The following ADGRL3 variants were observed in gnomAD, a reference collection of about 807,000 sequenced individuals.
The protein encoded by ADGRL3 is adhesion G protein-coupled receptor L3.
Under a neutral mutation model 153.5 loss-of-function variants are expected in ADGRL3, and 62 were observed. The ratio of observed to expected loss-of-function variants is 0.40; its 90% confidence interval spans 0.33 to 0.50. The LOEUF (loss-of-function observed/expected upper bound fraction) is 0.50. Among genes scored for constraint, ADGRL3 ranks in the 20% least tolerant of loss-of-function variants. The pLI is 0.47. For synonymous variants in ADGRL3, 710 were observed against 672.5 expected, an observed-to-expected ratio of 1.06 and a Z score of -0.86; for missense variants, 1,641 against 1,859.4, an observed-to-expected ratio of 0.88 and a Z score of 2.16.
At chr4:61,343,955 T>G (rs912299443) in intron 1 of ADGRL3, among the ~76,000 whole-genome samples, 1 of 152,214 alleles carries the variant, frequency 6.6e-6, no homozygotes, top group African/African-American at 2.4e-5. Flanking sequence ...GCTTGTTTAG[T>G]CACTCTGAAT....
At position 61,575,109 on chromosome 4, in the gene ADGRL3, G is replaced by C. The variant is rs572015916; in HGVS notation, c.260-12118G>C. 1.0e-3 allele frequency among the ~76,000 whole-genome samples: 158 copies of C among 151,982 alleles called. 3 individuals are homozygous for C. In the South Asian group the frequency reaches 0.023, roughly 22 times the overall value. ...TGATTGAAGCAGAAAAAGGAATGCAGTTTATCCCCTCATTTACTCTTTTTT... is the reference window on the plus strand; with the variant it reads ...TGATTGAAGCAGAAAAAGGAATGCACTTTATCCCCTCATTTACTCTTTTTT... On this transcript the variant is annotated intron_variant, in intron 4 of 26. Coordinates refer to ENST00000683033, the MANE Select transcript of ADGRL3 (RefSeq NM_001387552.1).
chr4:61,666,085 C>G (rs911687880), intron 5 of ADGRL3, among the ~76,000 whole-genome samples: 3 of 152,168 alleles, frequency 2.0e-5, no homozygotes, highest in Admixed American at 1.3e-4. Flanking sequence ...CTTCATTTCC[C>G]TCTGTTGTGT....
chr4:61,532,418 C>T (rs1457979911), intron 4 of ADGRL3, among the ~76,000 whole-genome samples: 1 of 152,092 alleles, frequency 6.6e-6, no homozygotes, highest in Non-Finnish European at 1.5e-5. Flanking sequence ...TTCACTCCCA[C>T]TGTAGAGCTC....
At chr4:61,906,903 G>A (rs759299489) in intron 11 of ADGRL3, among the ~76,000 whole-genome samples, 46 of 152,066 alleles carry the variant, frequency 3.0e-4, no homozygotes, top group Non-Finnish European at 4.7e-4. Flanking sequence ...AAGAGTTTTA[G>A]TTGTGCCCCT....
At chr4:61,980,563 T>C (rs2099064698) in intron 18 of ADGRL3, among the ~76,000 whole-genome samples, 1 of 151,706 alleles carries the variant, frequency 6.6e-6, no homozygotes, top group Non-Finnish European at 1.5e-5. Context: ...CCACAGCCTC[T>C]GGAGTAGCTG....
intron 8 of ADGRL3, among the ~76,000 whole-genome samples, chr4:61,757,599 T>C (rs1452623881): frequency 6.6e-6 from 1 of 151,916 alleles, no homozygotes; most frequent in Non-Finnish European, 1.5e-5. Flanking sequence ...TTTTGAAGGG[T>C]TTTTTTGTGT....
chr4:62,056,640 T>C (rs1256054995), intron 25 of ADGRL3, among the ~76,000 whole-genome samples: 1 of 152,038 alleles, frequency 6.6e-6, no homozygotes, highest in Non-Finnish European at 1.5e-5. Context: ...AAGTCTCCAC[T>C]GTGGGCCAAA....
chr4:61,417,733 C>T (rs781088663), intron 2 of ADGRL3, among the ~76,000 whole-genome samples: 7 of 151,092 alleles, frequency 4.6e-5, no homozygotes, highest in Non-Finnish European at 8.8e-5. Flanking sequence ...AGAGGAGGTG[C>T]ATAGGATCCC....
chr4:61,833,958 C>CTTTTTTTTTTT (rs113049750), intron 9 of ADGRL3, among the ~76,000 whole-genome samples: 2 of 123,458 alleles, frequency 1.6e-5, no homozygotes, highest in African/African-American at 2.9e-5. Context: ...AAGGCAGCTT[C>CTTTTTTTTTTT]TTTTTTTTTT....
intron 1 of ADGRL3, among the ~76,000 whole-genome samples, chr4:61,343,300 C>G (rs1043509299): frequency 4.6e-5 from 7 of 152,170 alleles, no homozygotes; most frequent in Non-Finnish European, 1.0e-4. Context: ...TCTTCCAACT[C>G]GCTTTCTCAG....
At chr4:61,603,462 C>G (rs2099019999) in intron 5 of ADGRL3, among the ~76,000 whole-genome samples, 1 of 152,122 alleles carries the variant, frequency 6.6e-6, no homozygotes, top group African/African-American at 2.4e-5. Flanking sequence ...TATTGCTACT[C>G]ATTTTCTATA....
At chr4:61,517,666 C>A in intron 4 of ADGRL3, 148 bp downstream of exon 4, 1 of 608,916 alleles carries the variant, frequency 1.6e-6, no homozygotes, top group Non-Finnish European at 2.9e-6. Context: ...TTAGTGATAT[C>A]CTGGCCATTT....
intron 8 of ADGRL3, among the ~76,000 whole-genome samples, chr4:61,762,428 G>T (rs1478195429): frequency 2.0e-5 from 3 of 152,024 alleles, no homozygotes; most frequent in Admixed American, 6.6e-5. Context: ...TTTTCCAGGG[G>T]TGCTCTGGGA....
At chr4:61,869,934 G>GT (rs1561389846) in intron 9 of ADGRL3, among the ~76,000 whole-genome samples, 10 of 7,946 alleles carry the variant, frequency 1.3e-3, no homozygotes, top group South Asian at 3.8e-3. Flanking sequence ...GCAAAACTTT[G>GT]TTAAAAAAAA....
chr4:61,220,241 G>A (rs1323721575), intron 1 of ADGRL3, among the ~76,000 whole-genome samples: 1 of 152,118 alleles, frequency 6.6e-6, no homozygotes, highest in Non-Finnish European at 1.5e-5. Flanking sequence ...GAAGGTAGGG[G>A]CTTAGTATAT....
rs1327364953 is a variant in ADGRL3, at chr4:61,584,372, T to C, written c.260-2855T>C. Among the ~76,000 whole-genome samples the C allele has an allele frequency of 5.3e-5, 8 of 152,066 alleles. No homozygotes were observed. In the East Asian group the frequency reaches 1.4e-3, roughly 26 times the overall value. On this transcript the variant is annotated intron_variant, in intron 4 of 26. Transcript: ENST00000683033. The stretch of plus-strand genomic sequence containing the variant: ...GAATCATTCTTACAAGTCCAAAAGA[T>C]ACATGGAAAATTTGGACCCCGACAT...
Position 61,963,218 on chromosome 4 carries a change from G to T in ADGRL3, c.2805+14942G>T, listed in dbSNP as rs149956499. Among the ~76,000 whole-genome samples the T allele has an allele frequency of 5.1e-3, 776 of 151,152 alleles. 7 individuals carry two copies. Among genetic ancestry groups the T allele is most frequent in the African/African-American group, 0.016 (660 of 41,156 alleles). ...TCTTTGAGTTTTTTTCTGGATTATG[G>T]CAGAATTTATTTTTTTATTTTACTA... On this transcript the variant is annotated intron_variant, in intron 17 of 26. Transcript: ENST00000683033.
intron 4 of ADGRL3, among the ~76,000 whole-genome samples, chr4:61,559,345 A>G (rs1215606243): frequency 6.6e-6 from 1 of 152,130 alleles, no homozygotes; most frequent in African/African-American, 2.4e-5. Context: ...ATTCCATTTA[A>G]TTTTTGTGGA....
chr4:61,325,196 C>T (rs911765951), intron 1 of ADGRL3, among the ~76,000 whole-genome samples: 1 of 152,028 alleles, frequency 6.6e-6, no homozygotes, highest in African/African-American at 2.4e-5. Flanking sequence ...CTTGTAATCC[C>T]AGCTACTCAG....
Sources: gnomAD v4.1 joint callset for allele counts (sites outside exome capture counted in the v4.1 genomes callset) on GRCh38, gnomAD v4.1.1 for gene constraint, MANE v1.5 for transcripts, NCBI Gene and HGNC (gene_info 2026-07-23, HGNC 2026-07-21) for gene names.